Variants in C12orf42 observed in about 807,000 individuals in gnomAD.
C12orf42 encodes the protein uncharacterized protein C12orf42.
A neutral mutation model predicts 21.6 loss-of-function variants in C12orf42; 25 were observed. That is an observed-to-expected ratio of 1.16 (90% CI 0.84 to 1.62). C12orf42 has a LOEUF of 1.62. Among genes scored for constraint, C12orf42 ranks in the 40% most tolerant of loss-of-function variants. C12orf42 has a pLI of 0.00. For synonymous variants in C12orf42, 174 were observed against 175.0 expected (o/e 0.99, Z 0.05); for missense variants, 483 against 459.3 (o/e 1.05, Z -0.47).
the C12orf42 span, among the ~76,000 whole-genome samples, chr12:103,556,922 T>G: frequency 6.7e-6 from 1 of 148,324 alleles, no homozygotes; most frequent in African/African-American, 2.5e-5. Context: ...ATGCAGAGAT[T>G]GTAGTTATGC....
chr12:103,234,300 C>T (rs1186594624), downstream of C12orf42, among the ~76,000 whole-genome samples: 1 of 152,058 alleles, frequency 6.6e-6, no homozygotes, highest in Non-Finnish European at 1.5e-5. Context: ...CCATTTATGC[C>T]TATTAGAATA....
chr12:103,281,867 A>G (rs947975484), intron 4 of C12orf42, among the ~76,000 whole-genome samples: 1 of 151,720 alleles, frequency 6.6e-6, no homozygotes, highest in Non-Finnish European at 1.5e-5. Flanking sequence ...CTATGGAGAG[A>G]GAGAGAAAAG....
At position 103,342,288 on chromosome 12, in the gene C12orf42, T is replaced by A. The variant is rs2137263224; in HGVS notation, c.259+26599A>T. Among the ~76,000 whole-genome samples the A allele has an allele frequency of 1.3e-5, 2 of 152,336 alleles. 1 individual carries two copies. The highest frequency in any genetic ancestry group is 4.1e-4 in the South Asian group (2 of 4,830). ...AAAAGCTGTAGAGATATCAAGTGAC[T>A]GAAGACTTCAACTTTTACACCATCT... is the stretch of plus-strand genomic sequence containing the variant. On this transcript the variant is annotated intron_variant, in intron 4 of 5. Transcript: ENST00000548883.
chr12:103,261,026 T>C (rs1294596864), intron 10 of C12orf42, among the ~76,000 whole-genome samples: 1 of 152,200 alleles, frequency 6.6e-6, no homozygotes, highest in African/African-American at 2.4e-5. Context: ...CTTAGTTGTA[T>C]TGGTTATGCT....
At chr12:103,212,755 T>A in the C12orf42 span, among the ~76,000 whole-genome samples, 1 of 152,136 alleles carries the variant, frequency 6.6e-6, no homozygotes, top group Non-Finnish European at 1.5e-5. Flanking sequence ...TTATTTATCA[T>A]TATCATCATA....
chr12:103,146,529 AAAAG>A, the C12orf42 span, among the ~76,000 whole-genome samples: 150 of 144,888 alleles, frequency 1.0e-3, no homozygotes, highest in African/African-American at 3.4e-3. Context: ...AGAAAGAAAG[AAAAG>A]AAAGAAAGAA....
the C12orf42 span, among the ~76,000 whole-genome samples, chr12:103,531,480 T>G: frequency 1.3e-5 from 2 of 152,106 alleles, no homozygotes; most frequent in African/African-American, 4.8e-5. Flanking sequence ...TTGAATACAG[T>G]TTTTCTAATC....
At chr12:103,527,860 TATC>T in the C12orf42 span, among the ~76,000 whole-genome samples, 1 of 152,220 alleles carries the variant, frequency 6.6e-6, no homozygotes, top group South Asian at 2.1e-4. Flanking sequence ...ACTAAGCAAA[TATC>T]ATCTCTGTTC....
At chr12:103,418,114 A>C (rs10467021) in intron 2 of C12orf42, among the ~76,000 whole-genome samples, 94 of 152,330 alleles carry the variant, frequency 6.2e-4, no homozygotes, top group African/African-American at 2.2e-3. Flanking sequence ...ATTATTTCTA[A>C]AGTACTACCA....
At chr12:103,252,520 T>C (rs1292255935) in intron 10 of C12orf42, among the ~76,000 whole-genome samples, 1 of 152,256 alleles carries the variant, frequency 6.6e-6, no homozygotes, top group African/African-American at 2.4e-5. Context: ...ATTGCAGTTT[T>C]GATTTGCATG....
rs147804154 is a variant in C12orf42, at chr12:103,283,211, C to T, written n.338-6001G>A. ...GCCTTTGCATGTCATCAGTATACCA[C>T]GTAGGCATGGAGTAAGGTGCTGCCA... On this transcript the variant is annotated intron_variant and non_coding_transcript_variant, in intron 4 of 6. Coordinates refer to the C12orf42 transcript ENST00000546526. 1.1e-3 allele frequency among the ~76,000 whole-genome samples: 164 copies of T among 152,332 alleles called. 3 individuals are homozygous for T. The highest frequency in any genetic ancestry group is 3.7e-3 in the African/African-American group (155 of 41,586).
the C12orf42 span, among the ~76,000 whole-genome samples, chr12:103,544,136 G>A: frequency 3.3e-5 from 5 of 152,014 alleles, no homozygotes; most frequent in Non-Finnish European, 7.4e-5. Context: ...ACCCACCTCG[G>A]CCTCCCAAAG....
intron 4 of C12orf42, among the ~76,000 whole-genome samples, chr12:103,339,288 G>C (rs2041974323): frequency 6.6e-6 from 1 of 152,092 alleles, no homozygotes; most frequent in East Asian, 1.9e-4. Flanking sequence ...GTGTTGTACA[G>C]GTTATTTCAT....
chr12:103,421,701 C>T (rs1036104817), intron 2 of C12orf42, among the ~76,000 whole-genome samples: 2 of 152,110 alleles, frequency 1.3e-5, no homozygotes, highest in African/African-American at 4.8e-5. Flanking sequence ...AGTAGTGTTT[C>T]AATACTGTTC....
chr12:103,466,113 T>C (rs1565874081), intron 2 of C12orf42, among the ~76,000 whole-genome samples: 1 of 152,184 alleles, frequency 6.6e-6, no homozygotes, highest in African/African-American at 2.4e-5. Context: ...GCTGGTCTCA[T>C]AAAATGACTT....
chr12:103,112,597 G>T, the C12orf42 span, among the ~76,000 whole-genome samples: 1 of 152,110 alleles, frequency 6.6e-6, no homozygotes, highest in Non-Finnish European at 1.5e-5. Flanking sequence ...GGAGGCAGAG[G>T]TTGCAGTGAA....
chr12:103,391,538 C>T (rs1270624407), intron 3 of C12orf42, among the ~76,000 whole-genome samples: 1 of 151,942 alleles, frequency 6.6e-6, no homozygotes, highest in East Asian at 1.9e-4. Flanking sequence ...TTTCATGTGC[C>T]TATTGGCCAT....
At chr12:103,308,665 T>C (rs7312278) in intron 4 of C12orf42, among the ~76,000 whole-genome samples, 246 of 152,326 alleles carry the variant, frequency 1.6e-3, no homozygotes, top group Non-Finnish European at 2.5e-3. Flanking sequence ...CAGGAAGGCA[T>C]TGGGCCTGAG....
At chr12:103,434,974 G>C (rs574053171) in intron 2 of C12orf42, among the ~76,000 whole-genome samples, 1 of 152,226 alleles carries the variant, frequency 6.6e-6, no homozygotes, top group Non-Finnish European at 1.5e-5. Context: ...AAAGACAGCA[G>C]TAACCTCTGC....
Sources: gnomAD v4.1 joint callset for allele counts (sites outside exome capture counted in the v4.1 genomes callset) on GRCh38, gnomAD v4.1.1 for gene constraint, MANE v1.5 for transcripts, NCBI Gene and HGNC (gene_info 2026-07-23, HGNC 2026-07-21) for gene names.